The following PCDHA12 variants were observed in gnomAD, a reference collection of about 807,000 sequenced individuals.
PCDHA12 encodes protocadherin alpha-12.
A neutral mutation model predicts 60.0 loss-of-function variants in PCDHA12; 44 were observed. That is an observed-to-expected ratio of 0.73 (90% CI 0.58 to 0.94). The LOEUF is 0.94. Ranked by LOEUF, PCDHA12 falls within the 40% of genes least tolerant of loss-of-function variation. The pLI is 0.00. For missense variants in PCDHA12, 1,276 were observed against 1,239.7 expected (o/e 1.03, Z -0.44); for synonymous variants, 569 against 553.0 (o/e 1.03, Z -0.40).
chr5:140,938,650 A>G (rs184257234), intron 1 of PCDHA12, among the ~76,000 whole-genome samples: 3 of 152,214 alleles, frequency 2.0e-5, no homozygotes, highest in Non-Finnish European at 2.9e-5. Flanking sequence ...ATCCTTCTTT[A>G]TATCATTAGA....
At chr5:140,941,409 C>G (rs1284702446) in intron 1 of PCDHA12, among the ~76,000 whole-genome samples, 1 of 149,924 alleles carries the variant, frequency 6.7e-6, no homozygotes, top group Non-Finnish European at 1.5e-5. Flanking sequence ...CTCCGCCTCC[C>G]GGGTTCAAGC....
At chr5:140,973,870 T>A (rs2153801427) in intron 1 of PCDHA12, among the ~76,000 whole-genome samples, 1 of 152,264 alleles carries the variant, frequency 6.6e-6, no homozygotes. Flanking sequence ...CAATGAGAGG[T>A]CAGAATAATG....
Position 141,010,878 on chromosome 5 carries a change from A to C in PCDHA12, c.*941A>C, listed in dbSNP as rs2098418656. 1.3e-5 allele frequency: 2 copies of C among 153,770 alleles called. No homozygotes were observed. Among genetic ancestry groups the C allele is most frequent in the South Asian group, 4.1e-4 (2 of 4,830 alleles). The allele number at this position is 153,770 out of a possible 1,614,324, so 9.5% of individuals were successfully genotyped here. ...GAAAGTCTATAGCTATAAATCTTTA[A>C]AGAGAAATATGAATACAATTCCCCT... On this transcript the variant is annotated 3_prime_UTR_variant, in exon 4 of 4. Transcript: ENST00000398631.
chr5:140,951,084 T>C (rs190031878), intron 1 of PCDHA12, among the ~76,000 whole-genome samples: 2 of 152,168 alleles, frequency 1.3e-5, no homozygotes, highest in African/African-American at 4.8e-5. Context: ...ATATTTTCCT[T>C]TTTTTCTGAT....
At chr5:140,917,325 G>A (rs2078036694) in intron 1 of PCDHA12, among the ~76,000 whole-genome samples, 2 of 131,364 alleles carry the variant, frequency 1.5e-5, no homozygotes, top group East Asian at 2.1e-4. Context: ...TTCATGTGGC[G>A]GGGGAGGGGG....
In PCDHA12 at chr5:140,875,319, A is replaced by T; in HGVS notation, c.-154A>T. 7.0e-7 allele frequency: 1 copy of T among 1,428,968 alleles called. No individual in the cohort carries two copies. Among genetic ancestry groups the T allele is most frequent in the South Asian group, 1.6e-5 (1 of 63,810 alleles). The allele number at this position is 1,428,968 out of a possible 1,614,324, so 88.5% of individuals were successfully genotyped here. On this transcript the variant is annotated 5_prime_UTR_variant, in exon 1 of 4. Coordinates refer to ENST00000398631, the MANE Select transcript of PCDHA12 (RefSeq NM_018903.4). ...TTTTCTCCGCACCCACATTCCAATC[A>T]TTCACGGAATAGGATCGACTCCATA...
chr5:140,968,868 A>G, intron 1 of PCDHA12: 6 of 1,614,140 alleles, frequency 3.7e-6, no homozygotes, highest in Non-Finnish European at 5.1e-6. Flanking sequence ...CCTCGGACAT[A>G]CTCTGAAATT....
At chr5:140,924,725 C>T (rs1015635507) in intron 1 of PCDHA12, among the ~76,000 whole-genome samples, 71 of 151,698 alleles carry the variant, frequency 4.7e-4, no homozygotes, top group African/African-American at 1.6e-3. Flanking sequence ...CGAAACCTCA[C>T]CTCTAATAAA....
intron 1 of PCDHA12, among the ~76,000 whole-genome samples, chr5:140,892,861 G>A (rs1422724084): frequency 2.6e-5 from 4 of 152,100 alleles, no homozygotes; most frequent in African/African-American, 9.7e-5. Flanking sequence ...TTCCTCCTGT[G>A]TAGCTATAAT....
At chr5:140,928,344 G>T (rs1554205800) in intron 1 of PCDHA12, 2 of 1,614,168 alleles carry the variant, frequency 1.2e-6, no homozygotes, top group East Asian at 2.2e-5. Flanking sequence ...CTTATGAGCT[G>T]TTGGATGTTA....
At chr5:140,977,703 A>G (rs1407162368) in intron 1 of PCDHA12, among the ~76,000 whole-genome samples, 1 of 152,192 alleles carries the variant, frequency 6.6e-6, no homozygotes, top group Non-Finnish European at 1.5e-5. Context: ...ATCTGTCTGA[A>G]TATTGAGATG....
Position 140,973,027 on chromosome 5 carries a change from T to C in PCDHA12, c.2368-5922T>C, listed in dbSNP as rs373487044. On this transcript the variant is annotated intron_variant, in intron 1 of 3. Coordinates refer to ENST00000398631, the MANE Select transcript of PCDHA12 (RefSeq NM_018903.4). ...TCGTGGTGTTGTGATTGTTAATGAG[T>C]CACTTTGAGTACTCTAGTAGATTTG... Among the ~76,000 whole-genome samples the C allele has an allele frequency of 2.6e-5, 4 of 152,042 alleles. No individual in the cohort carries two copies. The East Asian group carries it at 5.8e-4, about 22-fold the overall frequency.
At chr5:140,884,688 C>T in intron 1 of PCDHA12, 1 of 1,535,868 alleles carries the variant, frequency 6.5e-7, no homozygotes, top group Non-Finnish European at 8.8e-7. Context: ...AAAAAATTGT[C>T]TTAGTAAACA....
Position 140,877,721 on chromosome 5 carries a change from A to G in PCDHA12, c.2249A>G (p.Tyr750Cys). 6.2e-7 allele frequency: 1 copy of G among 1,614,000 alleles called. No individual in the cohort carries two copies. The highest frequency in any genetic ancestry group is 2.2e-5 in the East Asian group (1 of 44,862). The change falls in exon 1 of 4, where the codon TAC (tyrosine) becomes TGC (cysteine). Residue 750 changes from tyrosine (Y) to cysteine (C), a missense_variant. Tyr to Cys is a radical substitution (Grantham distance 194). Coordinates refer to ENST00000398631, the MANE Select transcript of PCDHA12 (RefSeq NM_018903.4). ...TCCAGCGCCGTGGGGAGTTGGTCTT[A>G]CTCGCAGCAGAGGAGGCAGAGGGTG... ...VCSSAVGSWS[Y>C]SQQRRQRVCS... is the part of the protein sequence containing the mutation.
At chr5:140,907,100 C>T (rs1447787481) in intron 1 of PCDHA12, among the ~76,000 whole-genome samples, 2 of 152,098 alleles carry the variant, frequency 1.3e-5, no homozygotes, top group African/African-American at 4.8e-5. Flanking sequence ...GTGCCACTTC[C>T]ACTTCCACCC....
intron 1 of PCDHA12, chr5:140,926,610 C>A (rs2083401767): frequency 8.5e-6 from 3 of 352,484 alleles, no homozygotes; most frequent in African/African-American, 2.1e-5. Context: ...CTCGTCTCTG[C>A]ACCCCTAGGC....
intron 1 of PCDHA12, among the ~76,000 whole-genome samples, chr5:140,914,475 T>A (rs1473439533): frequency 6.6e-6 from 1 of 152,204 alleles, no homozygotes; most frequent in Non-Finnish European, 1.5e-5. Context: ...TCTTCATAGG[T>A]GAAGTGTTTC....
At chr5:140,918,982 G>C (rs1554198889) in intron 1 of PCDHA12, among the ~76,000 whole-genome samples, 1 of 152,188 alleles carries the variant, frequency 6.6e-6, no homozygotes, top group Non-Finnish European at 1.5e-5. Flanking sequence ...AGGTTAGTTG[G>C]TTTTTAGTGT....
At chr5:140,996,596 C>G (rs1343501273) in intron 3 of PCDHA12, among the ~76,000 whole-genome samples, 1 of 152,156 alleles carries the variant, frequency 6.6e-6, no homozygotes. Flanking sequence ...CCGCCTCCCC[C>G]CATTTTCATT....
Sources: gnomAD v4.1 joint callset for allele counts (sites outside exome capture counted in the v4.1 genomes callset) on GRCh38, gnomAD v4.1.1 for gene constraint, MANE v1.5 for transcripts, NCBI Gene and HGNC (gene_info 2026-07-23, HGNC 2026-07-21) for gene names.